The following FAM13C variants were observed in gnomAD, a reference collection of about 807,000 sequenced individuals.
The protein encoded by FAM13C is protein FAM13C.
Under a neutral mutation model 73.2 loss-of-function variants are expected in FAM13C, and 37 were observed. The ratio of observed to expected loss-of-function variants is 0.51; its 90% confidence interval spans 0.39 to 0.67. FAM13C has a LOEUF of 0.67. Ranked by LOEUF, FAM13C falls within the 30% of genes least tolerant of loss-of-function variation. The pLI, the probability that FAM13C is intolerant of heterozygous loss-of-function variation, is 0.00. For synonymous variants in FAM13C, 246 were observed against 260.9 expected, an observed-to-expected ratio of 0.94 and a Z score of 0.55; for missense variants, 589 against 715.6, an observed-to-expected ratio of 0.82 and a Z score of 2.02.
intron 3 of FAM13C, among the ~76,000 whole-genome samples, chr10:59,341,684 C>T (rs1046912035): frequency 1.3e-5 from 2 of 151,978 alleles, no homozygotes; most frequent in Non-Finnish European, 2.9e-5. Flanking sequence ...AGCAAAACTC[C>T]TCCTTCTCGA....
intron 3 of FAM13C, among the ~76,000 whole-genome samples, chr10:59,332,308 C>T (rs567775003): frequency 2.6e-5 from 4 of 151,906 alleles, no homozygotes; most frequent in African/African-American, 4.8e-5. Flanking sequence ...TTAATTTATA[C>T]ATTACTTAAT....
chr10:59,271,487 G>A (rs1057435514), intron 6 of FAM13C, among the ~76,000 whole-genome samples: 2 of 152,188 alleles, frequency 1.3e-5, no homozygotes, highest in African/African-American at 2.4e-5. Flanking sequence ...CGGTGGCTGA[G>A]GCTAGTCAGA....
chr10:59,356,312 T>C (rs917711395), intron 1 of FAM13C, among the ~76,000 whole-genome samples: 12 of 152,182 alleles, frequency 7.9e-5, no homozygotes, highest in Admixed American at 5.2e-4. Flanking sequence ...TCTTTGCATT[T>C]TTTCTGCTTC....
intron 4 of FAM13C, among the ~76,000 whole-genome samples, chr10:59,315,453 T>TG (rs1156696183): frequency 1.3e-5 from 2 of 151,842 alleles, no homozygotes; most frequent in East Asian, 1.9e-4. Flanking sequence ...GGGGTTTTTT[T>TG]TGTTTTTGTG....
intron 5 of FAM13C, among the ~76,000 whole-genome samples, chr10:59,295,574 C>A (rs967727583): frequency 6.6e-6 from 1 of 152,144 alleles, no homozygotes; most frequent in Non-Finnish European, 1.5e-5. Context: ...GAAACTACCC[C>A]AGCCAGTGCC....
intron 5 of FAM13C, chr10:59,283,814 T>G: frequency 2.1e-6 from 1 of 474,604 alleles, no homozygotes; most frequent in Non-Finnish European, 3.8e-6. Flanking sequence ...GCTTCCCGGG[T>G]GCTTGAGGCT....
At chr10:59,361,079 C>G (rs1198396839) in intron 1 of FAM13C, 9 of 1,289,144 alleles carry the variant, frequency 7.0e-6, no homozygotes, top group Non-Finnish European at 9.1e-6. Flanking sequence ...CAGATGCACA[C>G]TTTGGCACAC....
At chr10:59,362,252 G>T (rs1384806383) in intron 1 of FAM13C, 147 bp downstream of exon 1, 12 of 1,121,922 alleles carry the variant, frequency 1.1e-5, no homozygotes, top group Non-Finnish European at 1.5e-5. Context: ...CCACCAGTCA[G>T]CACGTCTCAC....
At chr10:59,347,355 C>T (rs1019315417) in intron 3 of FAM13C, among the ~76,000 whole-genome samples, 1 of 152,038 alleles carries the variant, frequency 6.6e-6, no homozygotes, top group Admixed American at 6.6e-5. Context: ...GTGGTCATTG[C>T]CAACATTAAA....
At chr10:59,257,706 G>A (rs2133417334) in intron 10 of FAM13C, among the ~76,000 whole-genome samples, 1 of 152,286 alleles carries the variant, frequency 6.6e-6, no homozygotes, top group Admixed American at 6.5e-5. Context: ...AAGATGGAAA[G>A]TCAGTACTGG....
At chr10:59,260,059 A>C in intron 10 of FAM13C, among the ~76,000 whole-genome samples, 1 of 150,666 alleles carries the variant, frequency 6.6e-6, no homozygotes. Flanking sequence ...TGGACCCATC[A>C]CCATCCCGGA....
chr10:59,263,487 T>A (rs1371119016), intron 9 of FAM13C, among the ~76,000 whole-genome samples: 1 of 152,152 alleles, frequency 6.6e-6, no homozygotes, highest in Admixed American at 6.5e-5. Flanking sequence ...TTGGAAAAAC[T>A]CCCATGTCTC....
chr10:59,342,649 C>A (rs913627715), intron 3 of FAM13C, among the ~76,000 whole-genome samples: 1 of 152,204 alleles, frequency 6.6e-6, no homozygotes, highest in Non-Finnish European at 1.5e-5. Context: ...TTTAACTGGG[C>A]ATCCCATATT....
At chr10:59,290,695 C>T (rs992247117) in intron 5 of FAM13C, among the ~76,000 whole-genome samples, 2 of 152,164 alleles carry the variant, frequency 1.3e-5, no homozygotes, top group African/African-American at 2.4e-5. Context: ...TCACAAGGCT[C>T]GCCACATTAT....
intron 6 of FAM13C, among the ~76,000 whole-genome samples, chr10:59,280,844 C>A (rs1397162205): frequency 6.6e-6 from 1 of 152,148 alleles, no homozygotes; most frequent in African/African-American, 2.4e-5. Flanking sequence ...TAAAGCCAAT[C>A]AAGTCTATAG....
intron 5 of FAM13C, among the ~76,000 whole-genome samples, chr10:59,289,739 G>A (rs1431383926): frequency 6.6e-6 from 1 of 152,142 alleles, no homozygotes; most frequent in Non-Finnish European, 1.5e-5. Flanking sequence ...GCCCGACTTA[G>A]TGACCTTCAA....
chr10:59,349,338 C>T (rs748709374), intron 3 of FAM13C, among the ~76,000 whole-genome samples: 1 of 152,214 alleles, frequency 6.6e-6, no homozygotes, highest in Non-Finnish European at 1.5e-5. Flanking sequence ...ACAATTGACA[C>T]TTCAAATGAC....
At chr10:59,268,265 C>A (rs1843304209) in intron 8 of FAM13C, among the ~76,000 whole-genome samples, 1 of 151,088 alleles carries the variant, frequency 6.6e-6, no homozygotes, top group South Asian at 2.1e-4. Flanking sequence ...TAATTCAAAG[C>A]TTTCCAAATT....
chr10:59,333,549 T>C (rs988158035), intron 3 of FAM13C, among the ~76,000 whole-genome samples: 6 of 152,140 alleles, frequency 3.9e-5, no homozygotes, highest in African/African-American at 1.2e-4. Context: ...CAGCACTACC[T>C]TCCTGGGAAA....
Sources: allele counts gnomAD v4.1 joint callset (sites outside exome capture counted in the v4.1 genomes callset), GRCh38; gene constraint gnomAD v4.1.1; transcripts MANE v1.5; gene names NCBI Gene and HGNC (gene_info 2026-07-23, HGNC 2026-07-21).